The following ZMAT4 variants were observed in gnomAD, a reference collection of about 807,000 sequenced individuals.
ZMAT4 encodes zinc finger matrin-type 4, also known as zinc finger matrin-type protein 4.
ZMAT4 carries 17 observed loss-of-function variants against 28.7 expected under a neutral mutation model. That is an observed-to-expected ratio of 0.59 (90% CI 0.41 to 0.89). The LOEUF is 0.89. Among genes scored for constraint, ZMAT4 ranks in the 40% least tolerant of loss-of-function variants. ZMAT4 has a pLI of 0.00. For missense variants in ZMAT4, 240 were observed against 283.8 expected, an observed-to-expected ratio of 0.85 and a Z score of 1.11; for synonymous variants, 117 against 109.2, an observed-to-expected ratio of 1.07 and a Z score of -0.44.
intron 3 of ZMAT4, among the ~76,000 whole-genome samples, chr8:40,718,029 T>C (rs1278963194): frequency 2.0e-5 from 3 of 152,220 alleles, no homozygotes; most frequent in Non-Finnish European, 4.4e-5. Context: ...CACTAGTTTT[T>C]CCACTCATGT....
intron 5 of ZMAT4, among the ~76,000 whole-genome samples, chr8:40,659,755 G>A (rs921465081): frequency 6.6e-5 from 10 of 152,112 alleles, no homozygotes; most frequent in Non-Finnish European, 1.5e-4. Flanking sequence ...TTTCTGAGAG[G>A]AGACTGAGGC....
intron 5 of ZMAT4, among the ~76,000 whole-genome samples, chr8:40,614,475 A>G (rs1805922269): frequency 1.3e-5 from 2 of 152,116 alleles, no homozygotes; most frequent in South Asian, 4.2e-4. Flanking sequence ...ATTCCTGGAT[A>G]TCCTTGTTAA....
intron 6 of ZMAT4, among the ~76,000 whole-genome samples, chr8:40,550,714 C>T (rs1191726955): frequency 6.6e-6 from 1 of 152,104 alleles, no homozygotes. Context: ...GAGGAAGGTG[C>T]CTGCTTCCCC....
At chr8:40,862,266 T>C (rs1817521545) in intron 1 of ZMAT4, among the ~76,000 whole-genome samples, 1 of 151,598 alleles carries the variant, frequency 6.6e-6, no homozygotes, top group Non-Finnish European at 1.5e-5. Flanking sequence ...TCATGTCCTT[T>C]GTAGGGACAT....
At chr8:40,738,805 C>T (rs1811881621) in intron 3 of ZMAT4, among the ~76,000 whole-genome samples, 1 of 151,964 alleles carries the variant, frequency 6.6e-6, no homozygotes, top group Admixed American at 6.5e-5. Context: ...CTTTCCAGGA[C>T]CTATAAAACA....
chr8:40,834,120 G>A (rs765972853), intron 1 of ZMAT4, among the ~76,000 whole-genome samples: 3 of 152,130 alleles, frequency 2.0e-5, no homozygotes, highest in Admixed American at 2.0e-4. Context: ...CAGAGGCATC[G>A]GCCACTGCTG....
intron 5 of ZMAT4, among the ~76,000 whole-genome samples, chr8:40,636,367 T>TCGAGC (rs1290954424): frequency 5.9e-5 from 9 of 152,290 alleles, no homozygotes; most frequent in African/African-American, 2.2e-4. Context: ...ATCTCTGACA[T>TCGAGC]TGAGCCAAAG....
At chr8:40,818,212 C>A (rs7833515) in intron 2 of ZMAT4, among the ~76,000 whole-genome samples, 1 of 152,090 alleles carries the variant, frequency 6.6e-6, no homozygotes, top group African/African-American at 2.4e-5. Context: ...TTTTGACTAA[C>A]AATGACTGAT....
At chr8:40,552,057 C>G (rs1803384409) in intron 6 of ZMAT4, among the ~76,000 whole-genome samples, 1 of 152,168 alleles carries the variant, frequency 6.6e-6, no homozygotes, top group Non-Finnish European at 1.5e-5. Context: ...GCCATAATGG[C>G]ATCTAATGCA....
chr8:40,688,744 T>G lies in ZMAT4; in HGVS notation c.349+8501A>C, dbSNP rs535749733. On this transcript the variant is annotated intron_variant, in intron 4 of 6. Coordinates refer to ENST00000297737, the MANE Select transcript of ZMAT4 (RefSeq NM_024645.3). ...TTTCAGTAAGTGAACATGCTAGGTGTCTGTGTCATGTGACAATTTACATAG... is the reference window on the plus strand; with the variant it reads ...TTTCAGTAAGTGAACATGCTAGGTGGCTGTGTCATGTGACAATTTACATAG... 4.6e-5 allele frequency among the ~76,000 whole-genome samples: 7 copies of G among 152,330 alleles called. No homozygotes were observed. The South Asian group carries it at 1.5e-3, about 32-fold the overall frequency.
intron 6 of ZMAT4, among the ~76,000 whole-genome samples, chr8:40,547,186 G>T (rs1563334702): frequency 6.6e-6 from 1 of 152,210 alleles, no homozygotes; most frequent in Admixed American, 6.5e-5. Context: ...CCCACAGTCT[G>T]TGTGCGGGCA....
chr8:40,685,533 A>G (rs11989433), intron 4 of ZMAT4, among the ~76,000 whole-genome samples: 80,565 of 152,068 alleles, frequency 0.53, 21,616 homozygotes, highest in Middle Eastern at 0.69. Context: ...CAAAAATTGC[A>G]TACTTCATTA....
chr8:40,740,877 C>T (rs1486289813), intron 3 of ZMAT4, among the ~76,000 whole-genome samples: 1 of 152,088 alleles, frequency 6.6e-6, no homozygotes, highest in Non-Finnish European at 1.5e-5. Flanking sequence ...GTGTTCCCTC[C>T]AATTTTCATT....
At chr8:40,843,971 A>G (rs1816789559) in intron 1 of ZMAT4, among the ~76,000 whole-genome samples, 1 of 152,146 alleles carries the variant, frequency 6.6e-6, no homozygotes, top group African/African-American at 2.4e-5. Flanking sequence ...TACACAGTGC[A>G]CCTAGAAAAC....
chr8:40,814,787 A>C (rs565773830), intron 2 of ZMAT4, among the ~76,000 whole-genome samples: 58 of 152,352 alleles, frequency 3.8e-4, no homozygotes, highest in African/African-American at 1.3e-3. Flanking sequence ...GACTTTTCAC[A>C]TACTATACTT....
intron 1 of ZMAT4, among the ~76,000 whole-genome samples, chr8:40,856,572 G>T (rs1455173814): frequency 2.0e-5 from 3 of 152,188 alleles, no homozygotes; most frequent in Admixed American, 6.5e-5. Context: ...AATCAAAGGT[G>T]ATTATGACTA....
At chr8:40,636,601 G>A (rs1359002757) in intron 5 of ZMAT4, among the ~76,000 whole-genome samples, 2 of 152,192 alleles carry the variant, frequency 1.3e-5, no homozygotes, top group Non-Finnish European at 2.9e-5. Context: ...AGCCTCAGGG[G>A]CTATCAGAGG....
intron 4 of ZMAT4, among the ~76,000 whole-genome samples, chr8:40,682,407 A>G (rs559633773): frequency 1.3e-5 from 2 of 152,298 alleles, no homozygotes; most frequent in East Asian, 3.9e-4. Flanking sequence ...TGATTTCTCT[A>G]AAAGATCCTG....
chr8:40,544,051 G>T (rs551673805), intron 6 of ZMAT4, among the ~76,000 whole-genome samples: 30 of 152,284 alleles, frequency 2.0e-4, no homozygotes, highest in Admixed American at 1.9e-3. Context: ...CAGGGAAGGG[G>T]ATGCCACAGG....
Sources: gnomAD v4.1 joint callset for allele counts (sites outside exome capture counted in the v4.1 genomes callset) on GRCh38, gnomAD v4.1.1 for gene constraint, MANE v1.5 for transcripts, NCBI Gene and HGNC (gene_info 2026-07-23, HGNC 2026-07-21) for gene names.